The following PRKG1 variants were observed in gnomAD, a reference collection of about 807,000 sequenced individuals.
PRKG1 encodes the protein cGMP-dependent protein kinase 1.
PRKG1 carries 35 observed loss-of-function variants against 88.1 expected under a neutral mutation model. The observed-to-expected ratio is 0.40, with a 90% confidence interval of 0.30 to 0.53. The LOEUF (loss-of-function observed/expected upper bound fraction) is 0.53, where lower values mean the gene tolerates loss of function less well. Among genes scored for constraint, PRKG1 ranks in the 20% least tolerant of loss-of-function variants. The pLI is 0.59. For missense variants in PRKG1, 540 were observed against 839.8 expected (o/e 0.64, Z 4.41); for synonymous variants, 303 against 292.5 (o/e 1.04, Z -0.37).
chr10:51,292,507 C>T (rs1840609017), intron 2 of PRKG1, among the ~76,000 whole-genome samples: 1 of 152,046 alleles, frequency 6.6e-6, no homozygotes, highest in Non-Finnish European at 1.5e-5. Context: ...ATTAAGAGTA[C>T]AAAATACCTT....
At chr10:51,529,992 T>A (rs1841979493) in intron 3 of PRKG1, among the ~76,000 whole-genome samples, 1 of 152,214 alleles carries the variant, frequency 6.6e-6, no homozygotes, top group Non-Finnish European at 1.5e-5. Context: ...AGATGCTTGC[T>A]CTCTTTTTTA....
chr10:51,003,194 A>G (rs1027984760), intron 1 of PRKG1, among the ~76,000 whole-genome samples: 72 of 111,746 alleles, frequency 6.4e-4, no homozygotes, highest in Non-Finnish European at 1.1e-3. Flanking sequence ...AACAACAACA[A>G]CAACAACAAC....
chr10:51,538,537 C>A (rs1842221673), intron 3 of PRKG1, among the ~76,000 whole-genome samples: 1 of 102,742 alleles, frequency 9.7e-6, no homozygotes, highest in South Asian at 3.7e-4. Context: ...TAATAGAGAA[C>A]CAGTTTGATT....
Position 51,975,984 on chromosome 10 carries a change from A to G in PRKG1, c.762+68414A>G, listed in dbSNP as rs1024554692. Among the ~76,000 whole-genome samples, 4 of 152,118 alleles carry G rather than the reference A, an allele frequency of 2.6e-5. No individual in the cohort carries two copies. The South Asian group carries it at 6.2e-4, about 24-fold the overall frequency. ...TGCATAAACATTTCAGCCAAGACAA[A>G]ATACAAGTGGCCAATAAGCATATCA... On this transcript the variant is annotated intron_variant, in intron 5 of 17. Coordinates refer to ENST00000373980, the MANE Select transcript of PRKG1 (RefSeq NM_006258.4).
intron 3 of PRKG1, among the ~76,000 whole-genome samples, chr10:51,768,213 A>G (rs912799598): frequency 2.6e-5 from 4 of 152,160 alleles, no homozygotes; most frequent in Non-Finnish European, 5.9e-5. Flanking sequence ...TTATTACAAA[A>G]TGCTTGTTTA....
intron 9 of PRKG1, among the ~76,000 whole-genome samples, chr10:52,229,452 T>C (rs1358939491): frequency 2.0e-5 from 3 of 152,148 alleles, no homozygotes; most frequent in Non-Finnish European, 1.5e-5. Context: ...TCATGATGGC[T>C]TTGAGGAGGT....
intron 2 of PRKG1, among the ~76,000 whole-genome samples, chr10:51,288,206 TATGTATAC>T (rs1217434493): frequency 1.3e-5 from 2 of 152,150 alleles, no homozygotes; most frequent in African/African-American, 2.4e-5. Flanking sequence ...GTTAGTTACA[TATGTATAC>T]ATGTGCCATG....
At chr10:51,825,899 T>C (rs1052422070) in intron 4 of PRKG1, among the ~76,000 whole-genome samples, 1 of 152,142 alleles carries the variant, frequency 6.6e-6, no homozygotes, top group South Asian at 2.1e-4. Context: ...GTCTGGCCTT[T>C]GTCTATGATT....
intron 5 of PRKG1, among the ~76,000 whole-genome samples, chr10:51,945,450 T>C (rs1000055295): frequency 1.3e-5 from 2 of 150,252 alleles, no homozygotes; most frequent in African/African-American, 4.9e-5. Flanking sequence ...ATTTAGTCCG[T>C]TTACATTTAA....
chr10:51,501,291 G>A (rs1841016485), intron 3 of PRKG1, among the ~76,000 whole-genome samples: 1 of 152,112 alleles, frequency 6.6e-6, no homozygotes, highest in African/African-American at 2.4e-5. Flanking sequence ...TTTGGCTAAG[G>A]GAACAACCAG....
At chr10:51,036,184 T>C (rs1378517584) in intron 1 of PRKG1, among the ~76,000 whole-genome samples, 1 of 152,148 alleles carries the variant, frequency 6.6e-6, no homozygotes, top group Admixed American at 6.6e-5. Flanking sequence ...TCATTAGGTT[T>C]TTCTGTTTTT....
intron 1 of PRKG1, among the ~76,000 whole-genome samples, chr10:51,085,991 A>G (rs1235462067): frequency 1.3e-5 from 2 of 152,204 alleles, no homozygotes; most frequent in Non-Finnish European, 2.9e-5. Flanking sequence ...GGAAAATATG[A>G]CATGAAAAAT....
chr10:51,258,934 T>C (rs1436334507), intron 2 of PRKG1, among the ~76,000 whole-genome samples: 1 of 152,220 alleles, frequency 6.6e-6, no homozygotes, highest in African/African-American at 2.4e-5. Context: ...TTCTTTGATG[T>C]GAACCTCACG....
Position 52,297,347 on chromosome 10 carries a change from T to C in PRKG1, c.*3447T>C, listed in dbSNP as rs1362260973. On this transcript the variant is annotated 3_prime_UTR_variant, in exon 18 of 18. Transcript: ENST00000373980. ...AGAACATGACCTGGCTATCTGGCAT[T>C]GTTGCAAGTGCCTTAAATTCATGGC... The C allele has an allele frequency of 1.3e-5, 2 of 152,172 alleles. No individual in the cohort carries two copies. The highest frequency in any genetic ancestry group is 2.9e-5 in the Non-Finnish European group (2 of 68,028). The allele number at this position is 152,172 out of a possible 1,614,324, so 9.4% of individuals were successfully genotyped here.
At chr10:51,867,104 T>G (rs1016816143) in intron 4 of PRKG1, among the ~76,000 whole-genome samples, 7 of 152,154 alleles carry the variant, frequency 4.6e-5, no homozygotes, top group African/African-American at 1.7e-4. Context: ...ATTCATTAAG[T>G]AGCCTAAAAG....
intron 2 of PRKG1, among the ~76,000 whole-genome samples, chr10:51,404,243 C>A (rs1837840668): frequency 6.6e-6 from 1 of 152,176 alleles, no homozygotes; most frequent in Non-Finnish European, 1.5e-5. Flanking sequence ...TAACAAGTCC[C>A]AGGATATGAA....
rs74379642 is a variant in PRKG1, at chr10:52,290,158, A to G, written c.1896-66A>G. ...GCTTCCCATTAGCCATGGACATTGT[A>G]TACACTGCAATGAGAAGCTTTTAGC... On this transcript the variant is annotated intron_variant, in intron 16 of 17. Transcript: ENST00000373980. 4.8e-4 allele frequency: 677 copies of G among 1,401,656 alleles called. 1 individual carries two copies. Among genetic ancestry groups the G allele is most frequent in the South Asian group, 5.2e-4 (44 of 84,246 alleles). The allele number at this position is 1,401,656 out of a possible 1,614,324, so 86.8% of individuals were successfully genotyped here. A position where few individuals can be genotyped will look rare whatever the true frequency, so the allele number is the denominator to read the frequency against.
At position 52,133,770 on chromosome 10, in the gene PRKG1, T is replaced by C. The variant is rs115286711; in HGVS notation, c.936-70T>C. The C allele has an allele frequency of 4.4e-3, 5,694 of 1,307,364 alleles. 166 individuals are homozygous for C. In the African/African-American group the frequency reaches 0.065, roughly 15 times the overall value. The allele number at this position is 1,307,364 out of a possible 1,614,324, so 81.0% of individuals were successfully genotyped here. Reference sequence around the variant, plus strand: ...TATATAATGTAAATTTTTTCCTGAATTAATCACAATGGACACTGTGCTTTG... The same window carrying C: ...TATATAATGTAAATTTTTTCCTGAACTAATCACAATGGACACTGTGCTTTG... On this transcript the variant is annotated intron_variant, in intron 7 of 17. Coordinates refer to ENST00000373980, the MANE Select transcript of PRKG1 (RefSeq NM_006258.4).
At chr10:51,962,859 T>C (rs1843479280) in intron 5 of PRKG1, among the ~76,000 whole-genome samples, 1 of 152,168 alleles carries the variant, frequency 6.6e-6, no homozygotes, top group Admixed American at 6.5e-5. Context: ...ATCTTCAAAA[T>C]GTTTGAGGCT....
Sources: allele counts gnomAD v4.1 joint callset (sites outside exome capture counted in the v4.1 genomes callset), GRCh38; gene constraint gnomAD v4.1.1; transcripts MANE v1.5; gene names NCBI Gene and HGNC (gene_info 2026-07-23, HGNC 2026-07-21).